The following TDRD3 variants were observed in gnomAD, a reference collection of about 807,000 sequenced individuals.
The protein encoded by TDRD3 is tudor domain containing 3.
TDRD3 carries 45 observed loss-of-function variants against 86.7 expected under a neutral mutation model. The observed-to-expected ratio is 0.52, with a 90% confidence interval of 0.41 to 0.67. The LOEUF (loss-of-function observed/expected upper bound fraction) is 0.67, where lower values mean the gene tolerates loss of function less well. Among genes scored for constraint, TDRD3 ranks in the 30% least tolerant of loss-of-function variants. The pLI is 0.00. For missense variants in TDRD3, 814 were observed against 889.0 expected, an observed-to-expected ratio of 0.92 and a Z score of 1.07; for synonymous variants, 298 against 301.7, an observed-to-expected ratio of 0.99 and a Z score of 0.13.
chr13:60,523,484 A>G (rs769898314), intron 10 of TDRD3, among the ~76,000 whole-genome samples: 1 of 151,010 alleles, frequency 6.6e-6, no homozygotes, highest in Non-Finnish European at 1.5e-5. Flanking sequence ...GCATTCTTTG[A>G]TTAGTTTTCT....
chr13:60,502,179 T>C (rs1413627932), intron 8 of TDRD3, among the ~76,000 whole-genome samples: 1 of 152,210 alleles, frequency 6.6e-6, no homozygotes, highest in East Asian at 1.9e-4. Context: ...CCTACTCACT[T>C]TCATTACCTG....
At chr13:60,528,320 G>T (rs1370783015) in intron 10 of TDRD3, 47 bp from the exon 11 acceptor site, 10 of 1,515,920 alleles carry the variant, frequency 6.6e-6, no homozygotes, top group Non-Finnish European at 8.8e-6. Context: ...AATTATTAAT[G>T]CAGAGTCTTC....
intron 5 of TDRD3, among the ~76,000 whole-genome samples, chr13:60,472,623 T>C (rs1956096490): frequency 6.6e-6 from 1 of 152,124 alleles, no homozygotes; most frequent in Non-Finnish European, 1.5e-5. Context: ...CTCAAAAAAT[T>C]AAAAATAGAA....
intron 12 of TDRD3, among the ~76,000 whole-genome samples, chr13:60,557,903 A>G (rs1217338285): frequency 7.0e-6 from 1 of 142,278 alleles, no homozygotes; most frequent in Non-Finnish European, 1.5e-5. Flanking sequence ...GCTCACTGCA[A>G]CCTCCACCTC....
intron 1 of TDRD3, among the ~76,000 whole-genome samples, chr13:60,437,400 A>G (rs970371792): frequency 5.3e-5 from 8 of 151,968 alleles, no homozygotes; most frequent in African/African-American, 1.9e-4. Flanking sequence ...TGCTGGGGTT[A>G]GAGGCGTGAG....
At chr13:60,535,460 G>A (rs766376598) in intron 12 of TDRD3, 13 of 351,208 alleles carry the variant, frequency 3.7e-5, no homozygotes, top group Non-Finnish European at 5.8e-5. Flanking sequence ...GTTGTATTAT[G>A]CTTTGGAAAT....
chr13:60,483,599 T>C (rs1176799298), intron 5 of TDRD3, among the ~76,000 whole-genome samples, 176 bp from the exon 6 acceptor site: 1 of 152,134 alleles, frequency 6.6e-6, no homozygotes, highest in Non-Finnish European at 1.5e-5. Context: ...TTTGCCTAAT[T>C]ATTGAAGTTA....
At chr13:60,487,408 G>A (rs529629390) in intron 7 of TDRD3, among the ~76,000 whole-genome samples, 4 of 152,216 alleles carry the variant, frequency 2.6e-5, no homozygotes, top group East Asian at 1.9e-4. Context: ...CTCGGAAGGC[G>A]GAGGTTGCAG....
chr13:60,435,650 TTTTCTTTATTCACTCTTTGG>T (rs1955070521), intron 1 of TDRD3, among the ~76,000 whole-genome samples: 1 of 152,214 alleles, frequency 6.6e-6, no homozygotes, highest in South Asian at 2.1e-4. Context: ...ATATGCCACA[TTTTCTTTATTCACTCTTTGG>T]TCGATGGACA....
At chr13:60,474,628 T>C (rs1351528594) in intron 5 of TDRD3, among the ~76,000 whole-genome samples, 1 of 152,256 alleles carries the variant, frequency 6.6e-6, no homozygotes, top group East Asian at 1.9e-4. Context: ...TATGCTTTCA[T>C]GTACCCAGTT....
intron 5 of TDRD3, among the ~76,000 whole-genome samples, chr13:60,469,435 T>TACACAC (rs111428413): frequency 7.4e-6 from 1 of 135,740 alleles, no homozygotes; most frequent in South Asian, 2.2e-4. Flanking sequence ...CACACACACA[T>TACACAC]ACACACACAC....
chr13:60,397,796 G>C (rs1386305948), intron 1 of TDRD3, among the ~76,000 whole-genome samples: 4 of 151,864 alleles, frequency 2.6e-5, no homozygotes, highest in Non-Finnish European at 4.4e-5. Flanking sequence ...CAGCGGGATC[G>C]GGAGGCGAGG....
chr13:60,417,640 C>T (rs903571844), intron 1 of TDRD3, among the ~76,000 whole-genome samples: 3 of 152,072 alleles, frequency 2.0e-5, no homozygotes, highest in Non-Finnish European at 2.9e-5. Context: ...CCACACTGGC[C>T]GATTTAAACT....
chr13:60,491,417 ATGAG>A (rs1164611493), intron 7 of TDRD3, among the ~76,000 whole-genome samples: 2 of 152,204 alleles, frequency 1.3e-5, no homozygotes, highest in Admixed American at 1.3e-4. Flanking sequence ...CACCAAAGGA[ATGAG>A]TGTTGATAGA....
At chr13:60,414,226 G>A (rs1254558901) in intron 1 of TDRD3, among the ~76,000 whole-genome samples, 1 of 151,968 alleles carries the variant, frequency 6.6e-6, no homozygotes, top group African/African-American at 2.4e-5. Flanking sequence ...ATTACATCTA[G>A]TTTTTGAAGA....
intron 8 of TDRD3, among the ~76,000 whole-genome samples, chr13:60,498,115 C>T (rs1228140775): frequency 1.3e-5 from 2 of 152,124 alleles, no homozygotes; most frequent in African/African-American, 4.8e-5. Flanking sequence ...GATACAATGG[C>T]TTAGGGAGAT....
intron 2 of TDRD3, among the ~76,000 whole-genome samples, chr13:60,440,735 G>A (rs747403505): frequency 1.3e-5 from 2 of 151,994 alleles, no homozygotes; most frequent in Non-Finnish European, 2.9e-5. Flanking sequence ...ATTACCCTCT[G>A]ATTGTTTTTC....
chr13:60,449,892 A>G (rs1050123351), intron 3 of TDRD3, among the ~76,000 whole-genome samples: 7 of 151,968 alleles, frequency 4.6e-5, no homozygotes, highest in Admixed American at 3.3e-4. Flanking sequence ...ATTTCTTTCA[A>G]TATTCTTGAT....
rs556279836 is a variant in TDRD3, at chr13:60,412,489, G to T, written c.41+15084G>T. Among the ~76,000 whole-genome samples the T allele has an allele frequency of 7.9e-5, 12 of 152,244 alleles. No individual in the cohort carries two copies. In the South Asian group the frequency reaches 2.5e-3, roughly 32 times the overall value. ...ATATGGCATTCTATAATAGTAGGTA[G>T]TATGGACTGTATTTGCTTATAAAAA... On this transcript the variant is annotated intron_variant, in intron 1 of 13. Transcript: ENST00000377881.
Sources: allele counts gnomAD v4.1 joint callset (sites outside exome capture counted in the v4.1 genomes callset), GRCh38; gene constraint gnomAD v4.1.1; transcripts MANE v1.5; gene names NCBI Gene and HGNC (gene_info 2026-07-23, HGNC 2026-07-21).